Variants in PIAS1 observed in about 807,000 individuals in gnomAD.
PIAS1 encodes the protein protein inhibitor of activated STAT 1.
Under a neutral mutation model 71.3 loss-of-function variants are expected in PIAS1, and 6 were observed. The observed-to-expected ratio is 0.08, with a 90% CI of 0.05 to 0.17. PIAS1 has a LOEUF of 0.17. Among genes scored for constraint, PIAS1 ranks in the 10% least tolerant of loss-of-function variants. The pLI is 1.00. For synonymous variants in PIAS1, 303 were observed against 292.9 expected, an observed-to-expected ratio of 1.03 and a Z score of -0.35; for missense variants, 555 against 793.6, an observed-to-expected ratio of 0.70 and a Z score of 3.61.
rs1222046835 is a variant in PIAS1, at chr15:68,188,675, C to T, written c.*840C>T. ...TAAAGCTGTCTGGGTAAGGAGTAGG[C>T]TTAGCCGACCTATGAATAATACACT... is the stretch of plus-strand genomic sequence containing the variant. On this transcript the variant is annotated 3_prime_UTR_variant, in exon 14 of 14. Coordinates refer to ENST00000249636, the MANE Select transcript of PIAS1 (RefSeq NM_016166.3). 6.6e-6 allele frequency: 1 copy of T among 152,196 alleles called. No individual in the cohort carries two copies. The highest frequency in any genetic ancestry group is 6.5e-5 in the Admixed American group (1 of 15,286). 9.4% of individuals were successfully genotyped at this position (152,196 alleles called of 1,614,324 possible). A position where few individuals can be genotyped will look rare whatever the true frequency, so the allele number is the denominator to read the frequency against.
At chr15:68,183,741 T>C in intron 13 of PIAS1, 74 bp downstream of exon 13, 1 of 651,322 alleles carries the variant, frequency 1.5e-6, no homozygotes, top group South Asian at 1.7e-5. Flanking sequence ...AATGACATTT[T>C]GGTCAATGAC....
At chr15:68,077,154 G>A (rs1011384254) in intron 1 of PIAS1, among the ~76,000 whole-genome samples, 1 of 152,198 alleles carries the variant, frequency 6.6e-6, no homozygotes, top group African/African-American at 2.4e-5. Flanking sequence ...TGTGGATGCA[G>A]CCCCCTCCCT....
chr15:68,137,979 A>G (rs2092745240), intron 2 of PIAS1, among the ~76,000 whole-genome samples: 1 of 152,002 alleles, frequency 6.6e-6, no homozygotes, highest in African/African-American at 2.4e-5. Context: ...TCATCTCTAC[A>G]AAATAAAAAA....
intron 1 of PIAS1, among the ~76,000 whole-genome samples, chr15:68,082,036 C>G (rs1426701325): frequency 6.6e-6 from 1 of 152,072 alleles, no homozygotes; most frequent in African/African-American, 2.4e-5. Context: ...TGGTACTAGG[C>G]TTCTTAACAC....
chr15:68,142,608 A>G (rs1237805559), intron 4 of PIAS1, among the ~76,000 whole-genome samples: 3 of 151,956 alleles, frequency 2.0e-5, no homozygotes, highest in Non-Finnish European at 4.4e-5. Context: ...TTTTCATCCA[A>G]TTTAGATTTT....
intron 6 of PIAS1, among the ~76,000 whole-genome samples, chr15:68,151,179 G>A (rs879404971): frequency 3.3e-5 from 5 of 151,830 alleles, no homozygotes; most frequent in Non-Finnish European, 7.4e-5. Context: ...AGCTTTGGTG[G>A]GGTTTTTTTT....
intron 2 of PIAS1, among the ~76,000 whole-genome samples, chr15:68,088,182 A>ATATATATT: frequency 7.3e-6 from 1 of 137,054 alleles, no homozygotes. Context: ...GTGTGTATAT[A>ATATATATT]TATATATATA....
At chr15:68,118,278 G>A (rs1420304629) in intron 2 of PIAS1, among the ~76,000 whole-genome samples, 4 of 151,138 alleles carry the variant, frequency 2.6e-5, no homozygotes, top group Non-Finnish European at 5.9e-5. Flanking sequence ...CCAAGATTGC[G>A]CCACTACACC....
intron 7 of PIAS1, among the ~76,000 whole-genome samples, chr15:68,154,705 G>A (rs1567067183): frequency 6.6e-6 from 1 of 152,162 alleles, no homozygotes; most frequent in Non-Finnish European, 1.5e-5. Flanking sequence ...CTTTAAAAAT[G>A]CAGCTAATCC....
chr15:68,149,825 A>T (rs1271382460), intron 6 of PIAS1, among the ~76,000 whole-genome samples: 1 of 151,912 alleles, frequency 6.6e-6, no homozygotes. Flanking sequence ...TACTTTTGTC[A>T]TTTATTTCTT....
chr15:68,172,125 C>T (rs972002139), intron 8 of PIAS1, among the ~76,000 whole-genome samples: 2 of 151,236 alleles, frequency 1.3e-5, no homozygotes, highest in African/African-American at 2.4e-5. Flanking sequence ...CAAGTGTTCT[C>T]ATTGTTCAGT....
intron 1 of PIAS1, among the ~76,000 whole-genome samples, chr15:68,075,471 TAATC>T (rs1261199736): frequency 6.6e-6 from 1 of 152,220 alleles, no homozygotes; most frequent in Non-Finnish European, 1.5e-5. Flanking sequence ...TTAATCATAA[TAATC>T]TGTTCTGAAG....
chr15:68,088,626 CAAAGT>C (rs746233705), intron 2 of PIAS1, among the ~76,000 whole-genome samples: 2 of 151,970 alleles, frequency 1.3e-5, no homozygotes, highest in Admixed American at 1.3e-4. Context: ...GATCTCACCA[CAAAGT>C]AATTTGTGGA....
At chr15:68,132,866 G>A (rs888038360) in intron 2 of PIAS1, among the ~76,000 whole-genome samples, 6 of 151,896 alleles carry the variant, frequency 4.0e-5, no homozygotes, top group African/African-American at 1.2e-4. Context: ...TGATTTAAAC[G>A]TAAAAATTAA....
Position 68,187,738 on chromosome 15 carries a change from G to A in PIAS1, c.1859G>A (p.Ser620Asn). Residue 620 changes from serine to asparagine, a missense_variant, in exon 14 of 14, where the codon AGC (serine) becomes AAC (asparagine). By Grantham distance (46) the Ser-to-Asn change is conservative. Coordinates refer to ENST00000249636, the MANE Select transcript of PIAS1 (RefSeq NM_016166.3). The surrounding 1 kb of genome is among the most constrained non-coding windows in gnomAD (Gnocchi z 5.3). The stretch of plus-strand genomic sequence containing the variant: ...AACAGCAGCCTGGTTTCTTCCAACA[G>A]CCTAAGGGAAAGCCATAGCCACACC... Reference protein sequence around the residue: ...GSNSSLVSSNSLRESHSHTVT... With the variant: ...GSNSSLVSSNNLRESHSHTVT... The A allele has an allele frequency of 6.2e-7, 1 of 1,613,982 alleles. No homozygotes were observed. Among genetic ancestry groups the A allele is most frequent in the Non-Finnish European group, 8.5e-7 (1 of 1,179,878 alleles).
In PIAS1 at chr15:68,173,665, A is replaced by T; in HGVS notation, c.1009-67A>T. On this transcript the variant is annotated intron_variant, in intron 8 of 13. Coordinates refer to ENST00000249636, the MANE Select transcript of PIAS1 (RefSeq NM_016166.3). The surrounding 1 kb of genome is among the most constrained non-coding windows in gnomAD (Gnocchi z 4.3). ...CATGCCTACCTGTTGTGTTCTAGGA[A>T]ATTTTTGTCAAAGCTTAAATGTTGA... is the stretch of plus-strand genomic sequence containing the variant. 1 of 1,216,536 alleles carries T rather than the reference A, an allele frequency of 8.2e-7. No individual in the cohort carries two copies. The highest frequency in any genetic ancestry group is 2.1e-5 in the South Asian group (1 of 48,108). The allele number at this position is 1,216,536 out of a possible 1,614,324, so 75.4% of individuals were successfully genotyped here. A position where few individuals can be genotyped will look rare whatever the true frequency, so the allele number is the denominator to read the frequency against.
intron 8 of PIAS1, among the ~76,000 whole-genome samples, chr15:68,166,816 C>T (rs946462389): frequency 1.1e-4 from 17 of 152,150 alleles, no homozygotes; most frequent in African/African-American, 3.9e-4. Context: ...ACATTTTGCT[C>T]TTTGCACCTT....
intron 2 of PIAS1, among the ~76,000 whole-genome samples, chr15:68,109,833 T>C (rs572084416): frequency 6.6e-6 from 1 of 152,320 alleles, no homozygotes; most frequent in South Asian, 2.1e-4. Flanking sequence ...AATTAGAAGC[T>C]ACTGAATAAG....
intron 7 of PIAS1, among the ~76,000 whole-genome samples, chr15:68,156,038 A>G (rs2092886514): frequency 6.6e-6 from 1 of 152,218 alleles, no homozygotes. Flanking sequence ...TTCAGTGTCA[A>G]GAGGAAATCT....
Sources: allele counts gnomAD v4.1 joint callset (sites outside exome capture counted in the v4.1 genomes callset), GRCh38; gene constraint gnomAD v4.1.1; non-coding constraint Gnocchi (gnomAD v3.1); transcripts MANE v1.5; gene names NCBI Gene and HGNC (gene_info 2026-07-23, HGNC 2026-07-21).